Variants in SUPT7L observed in about 807,000 individuals in gnomAD.
SUPT7L encodes SPT7 like, STAGA complex subunit gamma.
SUPT7L carries 15 observed loss-of-function variants against 35.7 expected under a neutral mutation model. The ratio of observed to expected loss-of-function variants is 0.42; its 90% CI spans 0.28 to 0.65. The LOEUF (loss-of-function observed/expected upper bound fraction) is 0.65. Among genes scored for constraint, SUPT7L ranks in the 30% least tolerant of loss-of-function variants. The pLI is 0.23. For missense variants in SUPT7L, 434 were observed against 522.2 expected, an observed-to-expected ratio of 0.83 and a Z score of 1.65; for synonymous variants, 168 against 186.2, an observed-to-expected ratio of 0.90 and a Z score of 0.79.
Position 27,662,262 on chromosome 2 carries a change from G to A in SUPT7L, c.-70C>T. The A allele has an allele frequency of 6.7e-7, 1 of 1,498,378 alleles. No homozygotes were observed. Among genetic ancestry groups the A allele is most frequent in the Non-Finnish European group, 9.3e-7 (1 of 1,074,858 alleles). The allele number at this position is 1,498,378 out of a possible 1,614,324, so 92.8% of individuals were successfully genotyped here. ...AGGCATTCTGTGTCGGTCAAAGACT[G>A]ATAATGTGAGATCCTTGCCCTGAAG... On this transcript the variant is annotated 5_prime_UTR_variant, in exon 2 of 6. Transcript: ENST00000337768.
chr2:27,653,815 A>T, intron 5 of SUPT7L, 68 bp from the exon 6 acceptor site: 1 of 1,585,634 alleles, frequency 6.3e-7, no homozygotes, highest in Non-Finnish European at 8.6e-7. Flanking sequence ...ACAAAGAGTA[A>T]ATATATCACT....
Position 27,653,567 on chromosome 2 carries a change from T to C in SUPT7L, c.1163A>G (p.Tyr388Cys). ...GAGGCTGTCAGTGGAGTGGGAACCA[T>C]AGCTGCTATCTGAGTCATCAGGGCT... ...PQSPDDSDSS[Y>C]GSHSTDSLMG... The change falls in exon 6 of 6, where the codon TAT (tyrosine) becomes TGT (cysteine). Residue 388 changes from tyrosine (Y) to cysteine (C), a missense_variant. Physicochemically the swap from Tyr to Cys is radical, Grantham distance 194. Around this residue, in one of 3 missense-constraint regions of SUPT7L, gnomAD observed 159 missense variants for 217.1 expected, o/e 0.73. Transcript: ENST00000337768. 2 of 1,614,208 alleles carry C rather than the reference T, an allele frequency of 1.2e-6. No individual in the cohort carries two copies. The highest frequency in any genetic ancestry group is 8.5e-7 in the Non-Finnish European group (1 of 1,180,032).
chr2:27,656,513 ACAAT>A (rs1674810700), intron 4 of SUPT7L, among the ~76,000 whole-genome samples: 1 of 151,894 alleles, frequency 6.6e-6, no homozygotes, highest in Non-Finnish European at 1.5e-5. Context: ...CTGGCCTCAA[ACAAT>A]CCTCCCACCT....
chr2:27,643,916 C>T, the SUPT7L span, among the ~76,000 whole-genome samples: 2 of 152,262 alleles, frequency 1.3e-5, no homozygotes, highest in Middle Eastern at 3.4e-3. This position sits in a 1 kb window ranked among gnomAD's most constrained non-coding sequence, Gnocchi z 4.0. Context: ...CAGTGGCTCA[C>T]GCCTGTAATC....
Position 27,657,607 on chromosome 2 carries a change from G to T in SUPT7L, c.482C>A (p.Ala161Glu), listed in dbSNP as rs746180181. Residue 161 changes from alanine to glutamate, a missense_variant, in exon 4 of 6, where the codon GCA (alanine) becomes GAA (glutamate). Physicochemically the swap from Ala to Glu is moderately radical, Grantham distance 107 (BLOSUM62 -1). Transcript: ENST00000337768. This position sits in a 1 kb window ranked among gnomAD's most constrained non-coding sequence, Gnocchi z 5.2. ...CGCGTGGGCCAGGATTGTGGCCACT[G>T]CCTGGTAGAGGAGCTGCCGACAGGA... ...WHSCRQLLYQ[A>E]VATILAHAGF... 6.9e-5 allele frequency: 112 copies of T among 1,614,086 alleles called. No individual in the cohort carries two copies. Among genetic ancestry groups the T allele is most frequent in the Non-Finnish European group, 9.1e-5 (107 of 1,180,036 alleles).
At chr2:27,659,968 A>G (rs1343007787) in intron 3 of SUPT7L, among the ~76,000 whole-genome samples, 2 of 152,204 alleles carry the variant, frequency 1.3e-5, no homozygotes, top group Non-Finnish European at 2.9e-5. Flanking sequence ...AGTAATTGGC[A>G]TTAAATACAA....
chr2:27,647,710 A>C, downstream of SUPT7L: 1 of 621,546 alleles, frequency 1.6e-6, no homozygotes, highest in South Asian at 1.9e-5. Flanking sequence ...CATTTAGAAG[A>C]GGTAAGATCC....
At chr2:27,661,719 C>T (rs1675120025) in intron 2 of SUPT7L, 1 of 862,602 alleles carries the variant, frequency 1.2e-6, no homozygotes, top group South Asian at 2.2e-5. Context: ...ATAGCTACAA[C>T]AGCATCTGGA....
At chr2:27,642,940 G>GTT in the SUPT7L span, among the ~76,000 whole-genome samples, 8 of 80,774 alleles carry the variant, frequency 9.9e-5, no homozygotes, top group African/African-American at 2.6e-4. Context: ...AGGAAATGTG[G>GTT]TTTTATATAT....
intron 4 of SUPT7L, 133 bp from the exon 5 acceptor site, chr2:27,655,735 G>C: frequency 1.2e-6 from 1 of 804,844 alleles, no homozygotes; most frequent in Non-Finnish European, 2.0e-6. Context: ...CAATGGGAGG[G>C]ATTTGTTTAA....
At chr2:27,662,950 C>CTTT (rs11315948) in intron 1 of SUPT7L, among the ~76,000 whole-genome samples, 17 of 102,496 alleles carry the variant, frequency 1.7e-4, no homozygotes, top group Non-Finnish European at 2.7e-4. Context: ...TGGATTTTTT[C>CTTT]TTTTTTTTTT....
the SUPT7L span, among the ~76,000 whole-genome samples, chr2:27,644,331 A>G: frequency 2.0e-5 from 3 of 152,308 alleles, no homozygotes; most frequent in Admixed American, 2.0e-4. Flanking sequence ...TATAATAGGA[A>G]TATCAATTTT....
the SUPT7L span, among the ~76,000 whole-genome samples, chr2:27,643,651 T>C: frequency 1.3e-3 from 197 of 152,334 alleles, 2 homozygotes; most frequent in African/African-American, 4.5e-3. The surrounding 1 kb of genome is among the most constrained non-coding windows in gnomAD (Gnocchi z 4.0). Flanking sequence ...TAGTCTGACT[T>C]TGTATTTCAT....
At chr2:27,654,046 T>C (rs1450739824) in intron 5 of SUPT7L, among the ~76,000 whole-genome samples, 2 of 152,186 alleles carry the variant, frequency 1.3e-5, no homozygotes, top group South Asian at 2.1e-4. Flanking sequence ...AAAGATCCCC[T>C]GTCTCACAGC....
At position 27,661,067 on chromosome 2, in the gene SUPT7L, A is replaced by C. The variant is rs762015093; in HGVS notation, c.336T>G (p.Pro112=). ...TACAATCTAAAGGCAGGAGGTCATCAGGGAGAGGAGGTGACCCAGGGCACG... is the reference window on the plus strand; with the variant it reads ...TACAATCTAAAGGCAGGAGGTCATCCGGGAGAGGAGGTGACCCAGGGCACG... ...LPSCPGSPPL[P]DDLLPLDCKN... The change falls in exon 3 of 6, where the codon CCT becomes CCG. Residue 112 remains proline, a synonymous_variant. Coordinates refer to ENST00000337768, the MANE Select transcript of SUPT7L (RefSeq NM_014860.3). 6.2e-7 allele frequency: 1 copy of C among 1,614,144 alleles called. No homozygotes were observed. The highest frequency in any genetic ancestry group is 8.5e-7 in the Non-Finnish European group (1 of 1,180,030).
In SUPT7L at chr2:27,652,271, A is replaced by G. The variant is rs917254820; in HGVS notation, c.*1214T>C. On this transcript the variant is annotated 3_prime_UTR_variant, in exon 6 of 6. Transcript: ENST00000337768. ...TATGTTAAACTATAACCTCATTTGT[A>G]TCATATTCATTTATTCTCAATACCT... 1.3e-5 allele frequency: 2 copies of G among 152,374 alleles called. No homozygotes were observed. Among genetic ancestry groups the G allele is most frequent in the East Asian group, 3.7e-4 (2 of 5,342 alleles). 9.4% of individuals were successfully genotyped at this position (152,374 alleles called of 1,614,324 possible).
intron 3 of SUPT7L, among the ~76,000 whole-genome samples, chr2:27,659,416 C>G (rs751066511): frequency 7.2e-5 from 11 of 152,110 alleles, no homozygotes; most frequent in Non-Finnish European, 1.3e-4. Flanking sequence ...TAATCTGAAT[C>G]TAATCTTGAG....
In SUPT7L at chr2:27,661,097, AAGAGGTTCACTCTCTTC is replaced by A. The variant is rs1238293715; in HGVS notation, c.289_305del (p.Glu97SerfsTer11). On this transcript the variant is annotated frameshift_variant, in exon 3 of 6. Coordinates refer to ENST00000337768, the MANE Select transcript of SUPT7L (RefSeq NM_014860.3). LOFTEE classifies it high-confidence loss of function. Reference sequence around the variant, plus strand: ...GAGGAGGTGACCCAGGGCACGAGGGAAGAGGTTCACTCTCTTCAGTTTTTACACCTTCTGTCTGCTGC... The same window carrying A: ...GAGGAGGTGACCCAGGGCACGAGGGAAGTTTTTACACCTTCTGTCTGCTGC... The A allele has an allele frequency of 2.5e-6, 4 of 1,614,032 alleles. No individual in the cohort carries two copies. The African/African-American group carries it at 5.3e-5, about 22-fold the overall frequency.
rs1375536672 is a variant in SUPT7L at position 27,652,869 on chromosome 2, TAGAG to T, written c.*612_*615del. The T allele has an allele frequency of 2.6e-5, 4 of 153,178 alleles. No individual in the cohort carries two copies. Among genetic ancestry groups the T allele is most frequent in the Admixed American group, 2.0e-4 (3 of 15,382 alleles). The allele number at this position is 153,178 out of a possible 1,614,324, so 9.5% of individuals were successfully genotyped here. A position where few individuals can be genotyped will look rare whatever the true frequency, so the allele number is the denominator to read the frequency against. Reference sequence around the variant, plus strand: ...TAGAGAAGAAAATAAATGGATGAGATAGAGAGCTGTCTAAGCAAAAAAGGTGTCA... The same window carrying T: ...TAGAGAAGAAAATAAATGGATGAGATAGCTGTCTAAGCAAAAAAGGTGTCA... On this transcript the variant is annotated 3_prime_UTR_variant, in exon 6 of 6. Coordinates refer to ENST00000337768, the MANE Select transcript of SUPT7L (RefSeq NM_014860.3).
Sources: allele counts gnomAD v4.1 joint callset (sites outside exome capture counted in the v4.1 genomes callset), GRCh38; gene constraint gnomAD v4.1.1; regional missense constraint gnomAD v4.1.1; non-coding constraint Gnocchi (gnomAD v3.1); transcripts MANE v1.5; gene names NCBI Gene and HGNC (gene_info 2026-07-23, HGNC 2026-07-21).